The following MAPK1IP1L variants were observed in gnomAD, a reference collection of about 807,000 sequenced individuals.
The protein encoded by MAPK1IP1L is mitogen-activated protein kinase 1 interacting protein 1 like.
A neutral mutation model predicts 18.1 loss-of-function variants in MAPK1IP1L; 10 were observed. The observed-to-expected ratio is 0.55, with a 90% CI of 0.34 to 0.94. MAPK1IP1L has a LOEUF of 0.94. Among genes scored for constraint, MAPK1IP1L ranks in the 40% least tolerant of loss-of-function variants. The pLI, the probability that MAPK1IP1L is intolerant of heterozygous loss-of-function variation, is 0.02. For missense variants in MAPK1IP1L, 260 were observed against 318.2 expected (o/e 0.82, Z 1.39); for synonymous variants, 115 against 117.3 (o/e 0.98, Z 0.13).
intron 1 of MAPK1IP1L, among the ~76,000 whole-genome samples, chr14:55,058,095 C>T (rs1320001001): frequency 6.6e-6 from 1 of 152,204 alleles, no homozygotes; most frequent in African/African-American, 2.4e-5. Flanking sequence ...GGACGCCATC[C>T]CAGCACAGGG....
rs963657213 is a variant in MAPK1IP1L at position 55,070,140 on chromosome 14, C to T, written c.*5513C>T. On this transcript the variant is annotated 3_prime_UTR_variant, in exon 4 of 4. Transcript: ENST00000395468. ...ATTCAATATCCCATGAAAGTATTCA[C>T]CTAAAGTGGAGTTATGAAATGGATG... 2.0e-5 allele frequency: 3 copies of T among 151,984 alleles called. No individual in the cohort carries two copies. Among genetic ancestry groups the T allele is most frequent in the African/African-American group, 7.3e-5 (3 of 41,364 alleles). The allele number at this position is 151,984 out of a possible 1,614,324, so 9.4% of individuals were successfully genotyped here. A position where few individuals can be genotyped will look rare whatever the true frequency, so the allele number is the denominator to read the frequency against.
chr14:55,056,600 C>T lies in MAPK1IP1L; in HGVS notation c.-5+4797C>T, dbSNP rs549592973. Among the ~76,000 whole-genome samples the T allele has an allele frequency of 7.9e-5, 12 of 152,292 alleles. No homozygotes were observed. The East Asian group carries it at 1.9e-3, about 24-fold the overall frequency. On this transcript the variant is annotated intron_variant, in intron 1 of 3. Coordinates refer to ENST00000395468, the MANE Select transcript of MAPK1IP1L (RefSeq NM_144578.4). ...TCTCAGCTCACTGCAAGCTCCGCCT[C>T]CTGGGTTCGCGCCATTCTCTTGCCT...
At chr14:55,062,176 T>C (rs934081208) in intron 2 of MAPK1IP1L, among the ~76,000 whole-genome samples, 3 of 152,230 alleles carry the variant, frequency 2.0e-5, no homozygotes, top group African/African-American at 7.2e-5. Flanking sequence ...AGGCACTCTG[T>C]GAAAGTGTAC....
In MAPK1IP1L at chr14:55,062,686, ACCT is replaced by A. The variant is rs781623698; in HGVS notation, c.92_94del (p.Pro31del). ...CTGTGAGCAATACAAAACCTGGCCAACCTCCTCAAGGCTGGCCAGGCTCCAACC... is the reference window on the plus strand; with the variant it reads ...CTGTGAGCAATACAAAACCTGGCCAACCTCAAGGCTGGCCAGGCTCCAACC... On this transcript the variant is annotated inframe_deletion, in exon 3 of 4. Transcript: ENST00000395468. The A allele has an allele frequency of 9.9e-6, 16 of 1,613,810 alleles. No homozygotes were observed. In the Admixed American group the frequency reaches 2.3e-4, roughly 24 times the overall value.
At chr14:55,056,620 T>C (rs945816690) in intron 1 of MAPK1IP1L, among the ~76,000 whole-genome samples, 6 of 152,142 alleles carry the variant, frequency 3.9e-5, no homozygotes, top group Non-Finnish European at 5.9e-5. Context: ...CGCCATTCTC[T>C]TGCCTCAGCC....
chr14:55,056,529 G>C (rs1166421006), intron 1 of MAPK1IP1L, among the ~76,000 whole-genome samples: 1 of 151,860 alleles, frequency 6.6e-6, no homozygotes, highest in Non-Finnish European at 1.5e-5. Flanking sequence ...TTTTGTTTTT[G>C]AGACGGAGTT....
In MAPK1IP1L at chr14:55,067,838, A is replaced by G. The variant is rs1465055291; in HGVS notation, c.*3211A>G. On this transcript the variant is annotated 3_prime_UTR_variant, in exon 4 of 4. Coordinates refer to ENST00000395468, the MANE Select transcript of MAPK1IP1L (RefSeq NM_144578.4). Reference sequence around the variant, plus strand: ...GATACAGATTATAGAATATGCTGACATTTGGGCTTCAGAGGAAGAATTTTC... The same window carrying G: ...GATACAGATTATAGAATATGCTGACGTTTGGGCTTCAGAGGAAGAATTTTC... 1 of 152,254 alleles carries G rather than the reference A, an allele frequency of 6.6e-6. No individual in the cohort carries two copies. Among genetic ancestry groups the G allele is most frequent in the Non-Finnish European group, 1.5e-5 (1 of 68,044 alleles). 9.4% of individuals were successfully genotyped at this position (152,254 alleles called of 1,614,324 possible). A position where few individuals can be genotyped will look rare whatever the true frequency, so the allele number is the denominator to read the frequency against.
chr14:55,062,025 G>T (rs905469407), intron 2 of MAPK1IP1L, among the ~76,000 whole-genome samples: 2 of 152,210 alleles, frequency 1.3e-5, no homozygotes, highest in Admixed American at 1.3e-4. Context: ...AGTTTACTGA[G>T]ATAATAGCAT....
At position 55,062,693 on chromosome 14, in the gene MAPK1IP1L, C is replaced by G; in HGVS notation, c.94C>G (p.Gln32Glu). 6.2e-7 allele frequency: 1 copy of G among 1,614,192 alleles called. No individual in the cohort carries two copies. Among genetic ancestry groups the G allele is most frequent in the Non-Finnish European group, 8.5e-7 (1 of 1,180,040 alleles). ...VSNTKPGQPP[Q>E]GWPGSNPWNN... ...CAATACAAAACCTGGCCAACCTCCT[C>G]AAGGCTGGCCAGGCTCCAACCCTTG... Residue 32 changes from glutamine (Q) to glutamate (E), a missense_variant, in exon 3 of 4, where the codon CAA (glutamine) becomes GAA (glutamate). Physicochemically the swap from Gln to Glu is conservative, Grantham distance 29. Transcript: ENST00000395468.
Position 55,063,032 on chromosome 14 carries a change from T to C in MAPK1IP1L, c.433T>C (p.Trp145Arg), listed in dbSNP as rs143054292. 1.9e-6 allele frequency: 3 copies of C among 1,613,892 alleles called. No homozygotes were observed. The highest frequency in any genetic ancestry group is 2.5e-6 in the Non-Finnish European group (3 of 1,179,962). ...AGCTGCAGCTGGTCCTTTAGGTCCATGGGGATCCATGTCTTCTGGACCTTG... is the reference window on the plus strand; with the variant it reads ...AGCTGCAGCTGGTCCTTTAGGTCCACGGGGATCCATGTCTTCTGGACCTTG... ...DPAAAGPLGPWGSMSSGPWAP... is the reference protein window; with the variant it reads ...DPAAAGPLGPRGSMSSGPWAP... Residue 145 changes from tryptophan (W) to arginine (R), a missense_variant, in exon 3 of 4, where the codon TGG (tryptophan) becomes CGG (arginine). Trp to Arg is a moderately radical substitution (Grantham distance 101, BLOSUM62 -3). Coordinates refer to ENST00000395468, the MANE Select transcript of MAPK1IP1L (RefSeq NM_144578.4).
intron 1 of MAPK1IP1L, among the ~76,000 whole-genome samples, chr14:55,053,051 G>A (rs2042743062): frequency 6.6e-6 from 1 of 152,176 alleles, no homozygotes; most frequent in Non-Finnish European, 1.5e-5. Context: ...AAGTGGGGGC[G>A]AATAGAAACT....
intron 1 of MAPK1IP1L, 121 bp from the exon 2 acceptor site, chr14:55,061,559 A>G (rs985403490): frequency 4.4e-6 from 3 of 687,606 alleles, no homozygotes; most frequent in African/African-American, 3.8e-5. Flanking sequence ...CATTACATAA[A>G]TAAGATTCCG....
rs1019766664 is a variant in MAPK1IP1L, at chr14:55,067,395, GA to G, written c.*2771del. The G allele has an allele frequency of 3.3e-5, 5 of 151,842 alleles. No individual in the cohort carries two copies. The highest frequency in any genetic ancestry group is 7.4e-5 in the Non-Finnish European group (5 of 67,968). The allele number at this position is 151,842 out of a possible 1,614,324, so 9.4% of individuals were successfully genotyped here. On this transcript the variant is annotated 3_prime_UTR_variant, in exon 4 of 4. Coordinates refer to ENST00000395468, the MANE Select transcript of MAPK1IP1L (RefSeq NM_144578.4). ...GTGGAGAAATGGGGAACAGCATCAA[GA>G]AAGGCTTTTTTCCTTTTTTCTTTTT...
rs777360963 is a variant in MAPK1IP1L, at chr14:55,062,695, A to G, written c.96A>G (p.Gln32=). The part of the protein sequence containing the change: ...VSNTKPGQPP[Q]GWPGSNPWNN... ...ATACAAAACCTGGCCAACCTCCTCA[A>G]GGCTGGCCAGGCTCCAACCCTTGGA... The change falls in exon 3 of 4, where the codon CAA becomes CAG. Residue 32 remains glutamine (Q), a synonymous_variant. Coordinates refer to ENST00000395468, the MANE Select transcript of MAPK1IP1L (RefSeq NM_144578.4). 9.3e-6 allele frequency: 15 copies of G among 1,614,004 alleles called. No individual in the cohort carries two copies. Among genetic ancestry groups the G allele is most frequent in the South Asian group, 1.1e-5 (1 of 91,072 alleles).
At chr14:55,061,609 G>T in intron 1 of MAPK1IP1L, 71 bp from the exon 2 acceptor site, 1 of 1,060,068 alleles carries the variant, frequency 9.4e-7, no homozygotes. Context: ...GTTCCTTAAG[G>T]AATATTTAAG....
In MAPK1IP1L at chr14:55,062,928, C is replaced by T. The variant is rs910745742; in HGVS notation, c.329C>T (p.Pro110Leu). 1.9e-6 allele frequency: 3 copies of T among 1,614,102 alleles called. No homozygotes were observed. The highest frequency in any genetic ancestry group is 2.2e-5 in the South Asian group (2 of 91,076). ...GPYPAPTVPG[P>L]GPTGPYPTPN... ...TATCCAGCCCCAACTGTGCCGGGCC[C>T]TGGCCCCACAGGGCCATATCCTACA... Residue 110 changes from proline to leucine, a missense_variant, in exon 3 of 4, where the codon CCT becomes CTT. Pro to Leu is a moderately conservative substitution (Grantham distance 98). Coordinates refer to ENST00000395468, the MANE Select transcript of MAPK1IP1L (RefSeq NM_144578.4).
At chr14:55,059,937 T>C (rs2042803170) in intron 1 of MAPK1IP1L, among the ~76,000 whole-genome samples, 2 of 152,142 alleles carry the variant, frequency 1.3e-5, no homozygotes, top group Non-Finnish European at 2.9e-5. Flanking sequence ...TGATAATTAT[T>C]GTTTGGAAGA....
intron 1 of MAPK1IP1L, among the ~76,000 whole-genome samples, chr14:55,053,676 C>T (rs777089808): frequency 6.6e-6 from 1 of 152,126 alleles, no homozygotes; most frequent in Non-Finnish European, 1.5e-5. Flanking sequence ...CCCATCTGAA[C>T]TGCTTATACC....
chr14:55,062,532 A>G lies in MAPK1IP1L; in HGVS notation c.19-86A>G, dbSNP rs1032853658. 7 of 1,074,010 alleles carry G rather than the reference A, an allele frequency of 6.5e-6. No individual in the cohort carries two copies. The African/African-American group carries it at 8.0e-5, about 12-fold the overall frequency. The allele number at this position is 1,074,010 out of a possible 1,614,324, so 66.5% of individuals were successfully genotyped here. On this transcript the variant is annotated intron_variant, in intron 2 of 3. Coordinates refer to ENST00000395468, the MANE Select transcript of MAPK1IP1L (RefSeq NM_144578.4). ...CTTGAGGTTTATAATCCCTGCCCCT[A>G]TAGGTTACTATTCTCTGTGGGTTTA...
Sources: gnomAD v4.1 joint callset for allele counts (sites outside exome capture counted in the v4.1 genomes callset) on GRCh38, gnomAD v4.1.1 for gene constraint, MANE v1.5 for transcripts, NCBI Gene and HGNC (gene_info 2026-07-23, HGNC 2026-07-21) for gene names.